PRICKLE1: variants seen among roughly 807,000 people sequenced by gnomAD.
PRICKLE1 encodes the protein prickle-like protein 1.
PRICKLE1 carries 14 observed loss-of-function variants against 70.2 expected under a neutral mutation model. The observed-to-expected ratio is 0.20, with a 90% CI of 0.13 to 0.31. PRICKLE1 has a LOEUF of 0.31. Ranked by LOEUF, PRICKLE1 falls within the 10% of genes least tolerant of loss-of-function variation. The pLI is 1.00. For synonymous variants in PRICKLE1, 357 were observed against 379.9 expected, an observed-to-expected ratio of 0.94 and a Z score of 0.70; for missense variants, 821 against 1,026.2, an observed-to-expected ratio of 0.80 and a Z score of 2.73.
chr12:42,570,820 T>C (rs1279346605), intron 1 of PRICKLE1, among the ~76,000 whole-genome samples: 1 of 152,164 alleles, frequency 6.6e-6, no homozygotes, highest in Non-Finnish European at 1.5e-5. Context: ...ACTCTGTCTC[T>C]AAATAAATAA....
intron 1 of PRICKLE1, among the ~76,000 whole-genome samples, chr12:42,497,373 G>T (rs773061472): frequency 6.6e-6 from 1 of 151,802 alleles, no homozygotes; most frequent in African/African-American, 2.4e-5. Flanking sequence ...GTGAAACCCT[G>T]TCTCTACTAA....
intron 1 of PRICKLE1, among the ~76,000 whole-genome samples, chr12:42,580,679 T>C (rs1294100032): frequency 2.0e-5 from 3 of 152,200 alleles, no homozygotes; most frequent in Non-Finnish European, 1.5e-5. Flanking sequence ...GTTTCTACTA[T>C]GCGCCAGGCA....
At chr12:42,578,244 G>A (rs959125684) in intron 1 of PRICKLE1, among the ~76,000 whole-genome samples, 2 of 152,150 alleles carry the variant, frequency 1.3e-5, no homozygotes, top group African/African-American at 4.8e-5. Context: ...TTCCTAGCAA[G>A]CTGGTTGAAA....
intron 1 of PRICKLE1, among the ~76,000 whole-genome samples, chr12:42,479,418 C>A (rs762291617): frequency 2.0e-5 from 3 of 152,234 alleles, no homozygotes; most frequent in Non-Finnish European, 4.4e-5. Context: ...CATTCGCACA[C>A]AGCATGTGTA....
rs1395535472 is a variant in PRICKLE1, at chr12:42,470,258, T to G, written c.234A>C (p.Pro78=). Residue 78 remains proline, a synonymous_variant, in exon 3 of 8, where the codon CCA becomes CCC. Coordinates refer to ENST00000345127, the MANE Select transcript of PRICKLE1 (RefSeq NM_153026.3). ...CCTGCTATTTTACCTCATTATCATG[T>G]GGTGGTAACTGGTACAAAAGCTGTT... ...RIKQLLYQLP[P]HDNEVRYCQS... 7 of 1,604,116 alleles carry G rather than the reference T, an allele frequency of 4.4e-6. No homozygotes were observed. In the African/African-American group the frequency reaches 6.7e-5, roughly 15 times the overall value.
intron 1 of PRICKLE1, among the ~76,000 whole-genome samples, chr12:42,556,507 GCA>G (rs1165251231): frequency 6.6e-6 from 1 of 152,206 alleles, no homozygotes; most frequent in Non-Finnish European, 1.5e-5. Context: ...TGGAGATCAT[GCA>G]GCTACTATCT....
intron 1 of PRICKLE1, among the ~76,000 whole-genome samples, chr12:42,572,821 C>CT (rs1940741058): frequency 1.3e-5 from 2 of 152,096 alleles, no homozygotes; most frequent in South Asian, 4.2e-4. Context: ...GAGCAAGACT[C>CT]TGTCTCAAAG....
At position 42,464,246 on chromosome 12, in the gene PRICKLE1, C is replaced by A; in HGVS notation, c.1639+149G>T. 1 of 1,011,210 alleles carries A rather than the reference C, an allele frequency of 9.9e-7. No homozygotes were observed. Among genetic ancestry groups the A allele is most frequent in the South Asian group, 1.3e-5 (1 of 77,648 alleles). 62.6% of individuals were successfully genotyped at this position (1,011,210 alleles called of 1,614,324 possible). On this transcript the variant is annotated intron_variant, in intron 7 of 7. Coordinates refer to ENST00000345127, the MANE Select transcript of PRICKLE1 (RefSeq NM_153026.3). This position sits in a 1 kb window ranked among gnomAD's most constrained non-coding sequence, Gnocchi z 4.2. ...ATGTTGCCTGGGCTGGTCTCGAACT[C>A]CTGACCTCAAATGATCTGCCCACCT...
intron 1 of PRICKLE1, among the ~76,000 whole-genome samples, chr12:42,575,394 TAGAA>T (rs1300483002): frequency 1.3e-5 from 2 of 152,128 alleles, no homozygotes; most frequent in Non-Finnish European, 2.9e-5. Flanking sequence ...TATAGCCAAA[TAGAA>T]AGACGTGCAA....
chr12:42,480,404 C>G (rs138287044), intron 1 of PRICKLE1, among the ~76,000 whole-genome samples: 11 of 152,290 alleles, frequency 7.2e-5, no homozygotes, highest in African/African-American at 2.4e-4. Flanking sequence ...CTGGGCAATA[C>G]AGCAAGACCC....
At chr12:42,512,592 C>T (rs528935639) in intron 1 of PRICKLE1, among the ~76,000 whole-genome samples, 2 of 152,298 alleles carry the variant, frequency 1.3e-5, no homozygotes, top group East Asian at 3.9e-4. Context: ...TTCTTCATCT[C>T]TCTTTCCTGA....
intron 1 of PRICKLE1, among the ~76,000 whole-genome samples, chr12:42,559,119 T>C (rs1940458263): frequency 6.6e-6 from 1 of 152,226 alleles, no homozygotes; most frequent in Non-Finnish European, 1.5e-5. Flanking sequence ...TGTGAAGGGC[T>C]AGACATGCAT....
At chr12:42,557,947 T>C (rs1206586790) in intron 1 of PRICKLE1, among the ~76,000 whole-genome samples, 1 of 152,096 alleles carries the variant, frequency 6.6e-6, no homozygotes, top group East Asian at 1.9e-4. Context: ...AATAGCAGGC[T>C]AGAGTCATTA....
chr12:42,563,595 C>T (rs1232721260), intron 1 of PRICKLE1, among the ~76,000 whole-genome samples: 1 of 146,222 alleles, frequency 6.8e-6, no homozygotes, highest in African/African-American at 2.5e-5. Flanking sequence ...CCCAGCTACT[C>T]AGGAGGCTGA....
At chr12:42,546,829 AT>A (rs1262546266) in intron 1 of PRICKLE1, among the ~76,000 whole-genome samples, 1 of 152,142 alleles carries the variant, frequency 6.6e-6, no homozygotes, top group Non-Finnish European at 1.5e-5. Flanking sequence ...AAACTCTTAA[AT>A]TTACTGGCTG....
rs149806725 is a variant in PRICKLE1, at chr12:42,537,864, C to G, written c.-49+51601G>C. On this transcript the variant is annotated intron_variant, in intron 1 of 7. Coordinates refer to ENST00000345127, the MANE Select transcript of PRICKLE1 (RefSeq NM_153026.3). ...TCAAAGAAGCATTCTTTCAACCAAA[C>G]AATCGTGTAACAGTAATACTGAAAT... Among the ~76,000 whole-genome samples the G allele has an allele frequency of 3.3e-5, 5 of 152,200 alleles. No homozygotes were observed. The East Asian group carries it at 9.6e-4, about 29-fold the overall frequency.
chr12:42,489,276 ATATT>A (rs1939047352), intron 1 of PRICKLE1, among the ~76,000 whole-genome samples: 1 of 152,088 alleles, frequency 6.6e-6, no homozygotes, highest in Admixed American at 6.6e-5. Context: ...GACCCTATAA[ATATT>A]TATTTATTTG....
Position 42,460,319 on chromosome 12 carries a change from A to G in PRICKLE1, c.1986T>C (p.Asn662=), listed in dbSNP as rs759461345. The G allele has an allele frequency of 2.5e-6, 4 of 1,614,046 alleles. No individual in the cohort carries two copies. The highest frequency in any genetic ancestry group is 3.4e-6 in the Non-Finnish European group (4 of 1,180,006). ...GAGACCTGGATCCCCTCTCTTCAAA[A>G]TTGTAGACGCGTCTCCGAGTCCTTT... ...MSERTRRRVY[N]FEERGSRSHH... Residue 662 remains asparagine (N), a synonymous_variant, in exon 8 of 8, where the codon AAT becomes AAC. Transcript: ENST00000345127.
At chr12:42,476,850 A>G (rs1409109027) in intron 1 of PRICKLE1, among the ~76,000 whole-genome samples, 5 of 149,800 alleles carry the variant, frequency 3.3e-5, no homozygotes, top group Admixed American at 6.7e-5. Flanking sequence ...GGGTCTCCCT[A>G]TGTTGCCCAG....
Sources: allele counts gnomAD v4.1 joint callset (sites outside exome capture counted in the v4.1 genomes callset), GRCh38; gene constraint gnomAD v4.1.1; non-coding constraint Gnocchi (gnomAD v3.1); transcripts MANE v1.5; gene names NCBI Gene and HGNC (gene_info 2026-07-23, HGNC 2026-07-21).